GHR: variants seen among roughly 807,000 people sequenced by gnomAD.
GHR encodes the protein GH receptor.
A neutral mutation model predicts 67.1 loss-of-function variants in GHR; 35 were observed. The ratio of observed to expected loss-of-function variants is 0.52; its 90% CI spans 0.40 to 0.69. The LOEUF (loss-of-function observed/expected upper bound fraction) is 0.69. Among genes scored for constraint, GHR ranks in the 30% least tolerant of loss-of-function variants. GHR has a pLI of 0.00. For synonymous variants in GHR, 272 were observed against 269.1 expected (o/e 1.01, Z -0.10); for missense variants, 792 against 764.6 (o/e 1.04, Z -0.42).
At chr5:42,547,270 C>A (rs573189819) in intron 1 of GHR, among the ~76,000 whole-genome samples, 3 of 152,178 alleles carry the variant, frequency 2.0e-5, no homozygotes, top group Admixed American at 6.5e-5. Context: ...AAAGGCCCAG[C>A]TAATTCTTGA....
At chr5:42,507,190 T>A (rs1364308378) in intron 1 of GHR, among the ~76,000 whole-genome samples, 1 of 152,234 alleles carries the variant, frequency 6.6e-6, no homozygotes, top group Non-Finnish European at 1.5e-5. Flanking sequence ...AGCTTTGTTG[T>A]CAGAATGATT....
At chr5:42,621,797 G>A (rs1242087367) in intron 2 of GHR, among the ~76,000 whole-genome samples, 1 of 152,084 alleles carries the variant, frequency 6.6e-6, no homozygotes, top group African/African-American at 2.4e-5. Context: ...AAATTCTCTA[G>A]CTCATGTAAT....
At chr5:42,657,940 A>G (rs967516501) in intron 3 of GHR, among the ~76,000 whole-genome samples, 1 of 152,190 alleles carries the variant, frequency 6.6e-6, no homozygotes, top group African/African-American at 2.4e-5. Context: ...TTTCATAGGT[A>G]TAAGTCTTAT....
At chr5:42,662,974 C>T (rs1755731950) in intron 3 of GHR, among the ~76,000 whole-genome samples, 2 of 152,166 alleles carry the variant, frequency 1.3e-5, no homozygotes, top group African/African-American at 2.4e-5. Context: ...CACCTCTACA[C>T]AAATAAACTA....
At chr5:42,540,381 A>G (rs1748452831) in intron 1 of GHR, among the ~76,000 whole-genome samples, 1 of 152,232 alleles carries the variant, frequency 6.6e-6, no homozygotes, top group Non-Finnish European at 1.5e-5. Flanking sequence ...TTATCTAGGA[A>G]TAAGAATTGT....
rs375538071 is a variant in GHR at position 42,650,578 on chromosome 5, C to T, written c.136+21475C>T. Among the ~76,000 whole-genome samples the T allele has an allele frequency of 5.8e-3, 746 of 128,928 alleles. 13 individuals carry two copies. The highest frequency in any genetic ancestry group is 0.022 in the African/African-American group (719 of 32,846). The allele number at this position is 128,928 out of a possible 152,430, so 84.6% of individuals were successfully genotyped here. On this transcript the variant is annotated intron_variant, in intron 3 of 9. Coordinates refer to ENST00000230882, the MANE Select transcript of GHR (RefSeq NM_000163.5). Reference sequence around the variant, plus strand: ...CCAATGTACTCACTTTTACAGATAACATATATATATATATATATATATATG... The same window carrying T: ...CCAATGTACTCACTTTTACAGATAATATATATATATATATATATATATATG...
chr5:42,718,070 G>T lies in GHR; in HGVS notation c.894G>T (p.Leu298=). Residue 298 remains leucine (L), a synonymous_variant, in exon 9 of 10, where the codon CTG becomes CTT. Coordinates refer to ENST00000230882, the MANE Select transcript of GHR (RefSeq NM_000163.5). ...TTTCAAGGATTAAAATGCTGATTCT[G>T]CCCCCAGTTCCAGTTCCAAAGATTA... The part of the protein sequence containing the change: ...SKQQRIKMLI[L]PPVPVPKIKG... 6.3e-7 allele frequency: 1 copy of T among 1,586,128 alleles called. No homozygotes were observed.
At chr5:42,621,551 G>T (rs1420089298) in intron 2 of GHR, among the ~76,000 whole-genome samples, 1 of 152,160 alleles carries the variant, frequency 6.6e-6, no homozygotes. Flanking sequence ...CTAAGCCAGA[G>T]ATAGGACCTG....
intron 3 of GHR, among the ~76,000 whole-genome samples, chr5:42,676,747 C>T (rs1368711814): frequency 1.3e-5 from 2 of 152,110 alleles, no homozygotes; most frequent in Non-Finnish European, 2.9e-5. Context: ...AGGACAGGAC[C>T]TTTATTAAAA....
rs577526728 is a variant in GHR, at chr5:42,473,355, C to A, written c.-12+49400C>A. Among the ~76,000 whole-genome samples, 4 of 152,070 alleles carry A rather than the reference C, an allele frequency of 2.6e-5. No homozygotes were observed. The East Asian group carries it at 5.8e-4, about 22-fold the overall frequency. ...AAACAATTCTCTTGACTCAGCCTCC[C>A]GATTTCTAAGTGGAGAGTTATGAAT... On this transcript the variant is annotated intron_variant, in intron 1 of 9. Coordinates refer to ENST00000230882, the MANE Select transcript of GHR (RefSeq NM_000163.5).
chr5:42,561,703 G>A (rs1186811242), intron 1 of GHR, among the ~76,000 whole-genome samples: 2 of 152,176 alleles, frequency 1.3e-5, no homozygotes, highest in Non-Finnish European at 2.9e-5. Context: ...TAGAAATGGT[G>A]TGAGTTCCAT....
At chr5:42,648,209 T>G (rs778454451) in intron 3 of GHR, among the ~76,000 whole-genome samples, 19 of 152,206 alleles carry the variant, frequency 1.2e-4, no homozygotes, top group Non-Finnish European at 2.4e-4. Flanking sequence ...ATGGGTCACA[T>G]GTGATAACAA....
At chr5:42,468,820 C>A (rs1744862478) in intron 1 of GHR, 2 of 1,018,934 alleles carry the variant, frequency 2.0e-6, no homozygotes, top group Non-Finnish European at 2.9e-6. Flanking sequence ...CTGGTCGAAT[C>A]GGTTGGTGAC....
At chr5:42,641,968 C>G (rs1160664445) in intron 3 of GHR, among the ~76,000 whole-genome samples, 1 of 151,968 alleles carries the variant, frequency 6.6e-6, no homozygotes, top group African/African-American at 2.4e-5. Context: ...TTGGAAAAAC[C>G]AAAAGACTGA....
Position 42,718,842 on chromosome 5 carries a change from G to C in GHR, c.1335G>C (p.Gln445His), listed in dbSNP as rs534932257. The change falls in exon 10 of 10, where the codon CAG (glutamine) becomes CAC (histidine). Residue 445 changes from glutamine to histidine, a missense_variant. Gln to His is a conservative substitution (Grantham distance 24). Transcript: ENST00000230882. ...ATGATGCTTGCCCTGCTACTCAGCA[G>C]CCCAGTGTTATCCAAGCAGAGAAAA... ...PYHDACPATQ[Q>H]PSVIQAEKNK... 1.2e-6 allele frequency: 2 copies of C among 1,614,076 alleles called. No individual in the cohort carries two copies. Among genetic ancestry groups the C allele is most frequent in the South Asian group, 2.2e-5 (2 of 91,076 alleles).
intron 1 of GHR, among the ~76,000 whole-genome samples, chr5:42,498,238 A>G (rs1746400387): frequency 6.6e-6 from 1 of 152,164 alleles, no homozygotes; most frequent in Admixed American, 6.5e-5. Context: ...GTACCAGTTG[A>G]CACCAAGTCA....
intron 3 of GHR, among the ~76,000 whole-genome samples, chr5:42,668,677 C>G (rs1161252945): frequency 6.6e-6 from 1 of 152,078 alleles, no homozygotes; most frequent in Non-Finnish European, 1.5e-5. Context: ...TAAAAATGTT[C>G]TCTGTTCCTG....
At chr5:42,638,856 A>G (rs949162857) in intron 3 of GHR, among the ~76,000 whole-genome samples, 74 of 152,328 alleles carry the variant, frequency 4.9e-4, no homozygotes, top group African/African-American at 1.7e-3. Flanking sequence ...AAAAAAATAA[A>G]TAATTTTTAT....
At position 42,703,511 on chromosome 5, in the gene GHR, C is replaced by G. The variant is rs190860574; in HGVS notation, c.618+3509C>G. Among the ~76,000 whole-genome samples the G allele has an allele frequency of 1.9e-4, 29 of 151,984 alleles. No individual in the cohort carries two copies. In the East Asian group the frequency reaches 3.5e-3, roughly 18 times the overall value. On this transcript the variant is annotated intron_variant, in intron 6 of 9. Transcript: ENST00000230882. The stretch of plus-strand genomic sequence containing the variant: ...TGATTTCATCCTTGTTCTTCTTGTT[C>G]AAGATTGCTTTGGCTATTCATAGTC...
Sources: gnomAD v4.1 joint callset for allele counts (sites outside exome capture counted in the v4.1 genomes callset) on GRCh38, gnomAD v4.1.1 for gene constraint, MANE v1.5 for transcripts, NCBI Gene and HGNC (gene_info 2026-07-23, HGNC 2026-07-21) for gene names.